CA10: variants seen among roughly 807,000 people sequenced by gnomAD.
CA10 encodes the protein carbonic anhydrase-related protein 10.
Under a neutral mutation model 44.2 loss-of-function variants are expected in CA10, and 14 were observed. The ratio of observed to expected loss-of-function variants is 0.32; its 90% CI spans 0.21 to 0.50. The LOEUF is 0.50. Ranked by LOEUF, CA10 falls within the 20% of genes least tolerant of loss-of-function variation. The pLI is 0.99. For synonymous variants in CA10, 159 were observed against 141.6 expected, an observed-to-expected ratio of 1.12 and a Z score of -0.87; for missense variants, 350 against 409.7, an observed-to-expected ratio of 0.85 and a Z score of 1.26.
intron 3 of CA10, among the ~76,000 whole-genome samples, chr17:51,900,722 TTTTC>T (rs896414817): frequency 6.6e-6 from 1 of 152,194 alleles, no homozygotes; most frequent in African/African-American, 2.4e-5. Context: ...TTGTTCATTT[TTTTC>T]TTTATTTTTG....
At chr17:51,979,411 G>T (rs1244185550) in intron 2 of CA10, among the ~76,000 whole-genome samples, 1 of 151,946 alleles carries the variant, frequency 6.6e-6, no homozygotes, top group Non-Finnish European at 1.5e-5. Context: ...GGGGTTTGTT[G>T]TACAGATTAT....
chr17:51,705,278 C>A (rs965854703), intron 4 of CA10, among the ~76,000 whole-genome samples: 1 of 152,194 alleles, frequency 6.6e-6, no homozygotes, highest in Non-Finnish European at 1.5e-5. Flanking sequence ...TCTTCAGGGA[C>A]ACTTTCTCTC....
chr17:52,042,121 C>T (rs940586547), intron 2 of CA10, among the ~76,000 whole-genome samples: 1 of 151,972 alleles, frequency 6.6e-6, no homozygotes, highest in Non-Finnish European at 1.5e-5. Context: ...AGAAGTGAGA[C>T]AGCAGGATCA....
intron 2 of CA10, among the ~76,000 whole-genome samples, chr17:51,963,979 A>G (rs1983988056): frequency 6.6e-6 from 1 of 152,148 alleles, no homozygotes; most frequent in Non-Finnish European, 1.5e-5. Context: ...TGCTAGTTGG[A>G]TAAAAAACAA....
At chr17:51,978,322 A>C (rs1669859819) in intron 2 of CA10, among the ~76,000 whole-genome samples, 1 of 152,066 alleles carries the variant, frequency 6.6e-6, no homozygotes, top group Non-Finnish European at 1.5e-5. Context: ...TCAATGGAAC[A>C]GAATTAAGAG....
chr17:51,827,837 G>A (rs1196546443), intron 3 of CA10, among the ~76,000 whole-genome samples: 1 of 152,066 alleles, frequency 6.6e-6, no homozygotes, highest in Non-Finnish European at 1.5e-5. Flanking sequence ...TTAAACTTAG[G>A]TTTGGCCATG....
intron 1 of CA10, among the ~76,000 whole-genome samples, chr17:52,155,667 C>A (rs974990773): frequency 2.0e-5 from 3 of 152,154 alleles, no homozygotes; most frequent in Non-Finnish European, 4.4e-5. Flanking sequence ...TGCATCCCTG[C>A]CTAAATGTCT....
chr17:52,061,315 C>T (rs974845328), intron 2 of CA10, among the ~76,000 whole-genome samples: 1 of 152,082 alleles, frequency 6.6e-6, no homozygotes, highest in African/African-American at 2.4e-5. Context: ...AGGGACCCTG[C>T]ACTGAGTAAT....
intron 2 of CA10, among the ~76,000 whole-genome samples, chr17:52,005,550 T>G (rs561403186): frequency 2.6e-5 from 4 of 151,968 alleles, no homozygotes; most frequent in Non-Finnish European, 5.9e-5. Flanking sequence ...GGAAACACCA[T>G]GAGTGTTGCA....
At chr17:52,008,510 A>C (rs1985678541) in intron 2 of CA10, among the ~76,000 whole-genome samples, 1 of 151,834 alleles carries the variant, frequency 6.6e-6, no homozygotes, top group Non-Finnish European at 1.5e-5. Flanking sequence ...TGTTAATTTA[A>C]TGGAGTACTC....
intron 2 of CA10, among the ~76,000 whole-genome samples, chr17:51,961,024 CAGA>C (rs1331997831): frequency 2.6e-5 from 4 of 152,152 alleles, no homozygotes; most frequent in Admixed American, 1.3e-4. Flanking sequence ...TTCCCTGAAG[CAGA>C]AGAAGACATT....
chr17:52,089,940 T>C (rs1988216118), intron 1 of CA10, among the ~76,000 whole-genome samples: 1 of 152,178 alleles, frequency 6.6e-6, no homozygotes, highest in Non-Finnish European at 1.5e-5. Flanking sequence ...GAAACAAATA[T>C]GGCAAAATGT....
intron 3 of CA10, among the ~76,000 whole-genome samples, chr17:51,802,836 A>G (rs936592401): frequency 2.0e-5 from 3 of 152,126 alleles, no homozygotes; most frequent in Non-Finnish European, 4.4e-5. Flanking sequence ...ACCTGTACCT[A>G]CTTCCAAGGA....
At chr17:51,883,276 G>A (rs1980457677) in intron 3 of CA10, among the ~76,000 whole-genome samples, 1 of 151,250 alleles carries the variant, frequency 6.6e-6, no homozygotes, top group Non-Finnish European at 1.5e-5. Flanking sequence ...GTTTTCTGTT[G>A]GATCATTCTT....
intron 2 of CA10, among the ~76,000 whole-genome samples, chr17:51,989,657 T>C (rs1984971590): frequency 6.6e-6 from 1 of 152,042 alleles, no homozygotes; most frequent in Admixed American, 6.6e-5. Context: ...TACAGGGACA[T>C]GGATGGAGTT....
intron 4 of CA10, among the ~76,000 whole-genome samples, chr17:51,701,258 T>G (rs985581955): frequency 1.3e-5 from 2 of 152,096 alleles, no homozygotes; most frequent in Non-Finnish European, 2.9e-5. Context: ...TGCCTCTGTT[T>G]TCACATGGTT....
chr17:51,799,354 G>C (rs558693601), intron 3 of CA10, among the ~76,000 whole-genome samples: 2 of 152,244 alleles, frequency 1.3e-5, no homozygotes, highest in East Asian at 3.9e-4. Context: ...TGTTTCTGTG[G>C]TTATCTGTAA....
At chr17:51,809,832 A>G (rs1481244354) in intron 3 of CA10, among the ~76,000 whole-genome samples, 4 of 152,220 alleles carry the variant, frequency 2.6e-5, no homozygotes, top group South Asian at 2.1e-4. Context: ...CCTTCAGTGA[A>G]TCACAACTGA....
chr17:52,144,835 T>G (rs1666038977), intron 1 of CA10, among the ~76,000 whole-genome samples: 1 of 152,214 alleles, frequency 6.6e-6, no homozygotes, highest in Non-Finnish European at 1.5e-5. Flanking sequence ...ATTTATCAAG[T>G]GCATTCTATA....
Sources: allele counts gnomAD v4.1 joint callset (sites outside exome capture counted in the v4.1 genomes callset), GRCh38; gene constraint gnomAD v4.1.1; transcripts MANE v1.5; gene names NCBI Gene and HGNC (gene_info 2026-07-23, HGNC 2026-07-21).